The following TTC17 variants were observed in gnomAD, a reference collection of about 807,000 sequenced individuals.
TTC17 encodes the protein tetratricopeptide repeat domain 17.
A neutral mutation model predicts 143.8 loss-of-function variants in TTC17; 58 were observed. That is an observed-to-expected ratio of 0.40 (90% CI 0.33 to 0.50). The LOEUF is 0.50. Ranked by LOEUF, TTC17 falls within the 20% of genes least tolerant of loss-of-function variation. TTC17 has a pLI of 0.49. For missense variants in TTC17, 1,273 were observed against 1,392.5 expected (o/e 0.91, Z 1.37); for synonymous variants, 501 against 497.8 (o/e 1.01, Z -0.09).
intron 3 of TTC17, among the ~76,000 whole-genome samples, chr11:43,391,016 A>G (rs1041909647): frequency 5.9e-5 from 9 of 152,198 alleles, no homozygotes; most frequent in Non-Finnish European, 1.2e-4. Context: ...TTGACTCTTC[A>G]TGGCAGCTAT....
intron 16 of TTC17, among the ~76,000 whole-genome samples, chr11:43,423,707 A>G (rs944650881): frequency 2.3e-4 from 35 of 152,212 alleles, no homozygotes; most frequent in African/African-American, 8.4e-4. Context: ...CTTTTAACCT[A>G]AATTAGTGTA....
chr11:43,494,863 A>C lies in TTC17; in HGVS notation c.*959A>C, dbSNP rs1948531349. ...TTACCTTTGATCCCAGGAGAATCAG[A>C]AACTCCAACATTTTGGAATCTTCAA... On this transcript the variant is annotated 3_prime_UTR_variant, in exon 24 of 24. Transcript: ENST00000039989. 1 of 152,206 alleles carries C rather than the reference A, an allele frequency of 6.6e-6. No individual in the cohort carries two copies. The highest frequency in any genetic ancestry group is 2.1e-4 in the South Asian group (1 of 4,834). 9.4% of individuals were successfully genotyped at this position (152,206 alleles called of 1,614,324 possible). A position where few individuals can be genotyped will look rare whatever the true frequency, so the allele number is the denominator to read the frequency against.
intron 18 of TTC17, chr11:43,446,141 C>A (rs764267847): frequency 8.1e-6 from 11 of 1,364,392 alleles, no homozygotes; most frequent in Non-Finnish European, 1.0e-5. Flanking sequence ...CCTTCAACAC[C>A]ATTCTCTGAA....
rs1858104577 is a variant in TTC17, at chr11:43,405,907, C to T, written c.1717C>T (p.Arg573Cys). ...LSYLVKELEVRMDLKAKMPDD... is the reference protein window; with the variant it reads ...LSYLVKELEVCMDLKAKMPDD... ...CTACTTAGTCAAAGAATTAGAGGTT[C>T]GCATGGATCTGAAAGCCAAAATGCC... The change falls in exon 13 of 24, where the codon CGC (arginine) becomes TGC (cysteine). Residue 573 changes from arginine (R) to cysteine (C), a missense_variant. Coordinates refer to ENST00000039989, the MANE Select transcript of TTC17 (RefSeq NM_018259.6). 2.5e-6 allele frequency: 4 copies of T among 1,613,706 alleles called. No individual in the cohort carries two copies. The highest frequency in any genetic ancestry group is 3.4e-6 in the Non-Finnish European group (4 of 1,179,870).
chr11:43,413,152 A>G (rs535674601), intron 15 of TTC17, among the ~76,000 whole-genome samples: 3 of 152,316 alleles, frequency 2.0e-5, no homozygotes, highest in Non-Finnish European at 2.9e-5. Context: ...AATGGAACAT[A>G]ATAGGGAATT....
chr11:43,427,958 C>T (rs762632567), intron 16 of TTC17, among the ~76,000 whole-genome samples: 14 of 152,136 alleles, frequency 9.2e-5, no homozygotes, highest in Non-Finnish European at 1.6e-4. Flanking sequence ...TAACTTGTAT[C>T]CACCCAAAGT....
chr11:43,420,119 A>C (rs1264347820), intron 16 of TTC17, among the ~76,000 whole-genome samples: 2 of 152,234 alleles, frequency 1.3e-5, no homozygotes, highest in African/African-American at 2.4e-5. Context: ...AGGAGAGAAT[A>C]GGAAAAAGAA....
chr11:43,382,514 T>A (rs919983753), intron 2 of TTC17, among the ~76,000 whole-genome samples: 1 of 152,216 alleles, frequency 6.6e-6, no homozygotes, highest in Non-Finnish European at 1.5e-5. Flanking sequence ...TAAATTAAAA[T>A]CCTATGGGAA....
intron 15 of TTC17, among the ~76,000 whole-genome samples, chr11:43,411,389 C>A (rs917391025): frequency 3.9e-5 from 6 of 151,998 alleles, no homozygotes; most frequent in Admixed American, 6.6e-5. Context: ...CTCAGTAAGT[C>A]CCTCTCATAC....
chr11:43,428,355 G>T (rs887064382), intron 16 of TTC17, among the ~76,000 whole-genome samples: 1 of 151,908 alleles, frequency 6.6e-6, no homozygotes, highest in Admixed American at 6.5e-5. Flanking sequence ...TATAATTTCT[G>T]CATGGAAAAG....
intron 1 of TTC17, among the ~76,000 whole-genome samples, chr11:43,367,367 G>A (rs78561489): frequency 0.14 from 20,784 of 152,090 alleles, 3,760 homozygotes; most frequent in African/African-American, 0.42. Context: ...TAATGCGCAG[G>A]CATCAAAAAG....
At chr11:43,364,431 C>G (rs183508935) in intron 1 of TTC17, among the ~76,000 whole-genome samples, 548 of 152,284 alleles carry the variant, frequency 3.6e-3, no homozygotes, top group Non-Finnish European at 4.3e-3. Flanking sequence ...TGGGAGAGAG[C>G]ATCCATATGG....
At chr11:43,395,206 T>C (rs1381246117) in intron 5 of TTC17, among the ~76,000 whole-genome samples, 2 of 151,746 alleles carry the variant, frequency 1.3e-5, no homozygotes, top group East Asian at 3.9e-4. Flanking sequence ...GTTCACGCTA[T>C]TCTCCTGCCT....
intron 21 of TTC17, among the ~76,000 whole-genome samples, chr11:43,459,031 A>G (rs59384558): frequency 0.14 from 21,813 of 152,112 alleles, 4,207 homozygotes; most frequent in African/African-American, 0.44. Flanking sequence ...GTCTTGGAAC[A>G]TATTCCCCTC....
chr11:43,381,524 G>C (rs536916922), intron 2 of TTC17, among the ~76,000 whole-genome samples: 1 of 152,080 alleles, frequency 6.6e-6, no homozygotes, highest in South Asian at 2.1e-4. Flanking sequence ...AAAGAGCCTG[G>C]CAAAAATAAT....
At chr11:43,436,183 C>A (rs1467382382) in intron 16 of TTC17, 2 of 1,422,066 alleles carry the variant, frequency 1.4e-6, no homozygotes, top group Admixed American at 2.8e-5. Flanking sequence ...ATGAGAAAAC[C>A]CTGGACAACA....
At chr11:43,461,961 G>C (rs1004299488) in intron 21 of TTC17, among the ~76,000 whole-genome samples, 2 of 151,948 alleles carry the variant, frequency 1.3e-5, no homozygotes, top group African/African-American at 4.8e-5. Flanking sequence ...TAATCCAAAG[G>C]AAGTCAAGGG....
At chr11:43,472,378 A>G (rs1039262465) in intron 21 of TTC17, among the ~76,000 whole-genome samples, 2 of 152,176 alleles carry the variant, frequency 1.3e-5, no homozygotes, top group Non-Finnish European at 2.9e-5. Context: ...AAATACAAGT[A>G]AAAAGGAAGT....
rs1196020678 is a variant in TTC17 at position 43,404,039 on chromosome 11, C to T, written c.1374C>T (p.Asn458=). 3 of 1,612,248 alleles carry T rather than the reference C, an allele frequency of 1.9e-6. No individual in the cohort carries two copies. The highest frequency in any genetic ancestry group is 1.7e-6 in the Non-Finnish European group (2 of 1,179,050). The change falls in exon 11 of 24, where the codon AAC becomes AAT. Residue 458 remains asparagine, a synonymous_variant. Transcript: ENST00000039989. ...DSSTSSMMSV[N]FDVQSNQSDI... The stretch of plus-strand genomic sequence containing the variant: ...CAACCTCCAGTATGATGTCTGTGAA[C>T]TTTGATGTTCAATCAAATCAGAGTG...
Sources: allele counts gnomAD v4.1 joint callset (sites outside exome capture counted in the v4.1 genomes callset), GRCh38; gene constraint gnomAD v4.1.1; transcripts MANE v1.5; gene names NCBI Gene and HGNC (gene_info 2026-07-23, HGNC 2026-07-21).